FHIT: variants seen among roughly 807,000 people sequenced by gnomAD.
FHIT encodes the protein fragile histidine triad diadenosine triphosphatase.
FHIT carries 19 observed loss-of-function variants against 17.9 expected under a neutral mutation model. That is an observed-to-expected ratio of 1.06 (90% confidence interval 0.74 to 1.56). FHIT has a LOEUF of 1.56. Ranked by LOEUF, FHIT falls within the 40% of genes most tolerant of loss-of-function variation. The pLI is 0.00. For synonymous variants in FHIT, 81 were observed against 69.7 expected (o/e 1.16, Z -0.81); for missense variants, 248 against 189.2 (o/e 1.31, Z -1.82).
intron 2 of FHIT, among the ~76,000 whole-genome samples, chr3:61,162,643 T>C (rs970956413): frequency 6.6e-6 from 1 of 152,222 alleles, no homozygotes; most frequent in Non-Finnish European, 1.5e-5. Flanking sequence ...ATCTAGAATA[T>C]AAAGGATCCC....
At chr3:60,275,625 C>T (rs1033378473) in intron 5 of FHIT, among the ~76,000 whole-genome samples, 3 of 151,854 alleles carry the variant, frequency 2.0e-5, no homozygotes, top group African/African-American at 7.3e-5. Context: ...TTAGTCAATG[C>T]CATACACACA....
At chr3:60,841,320 T>C (rs1370701266) in intron 3 of FHIT, among the ~76,000 whole-genome samples, 1 of 152,230 alleles carries the variant, frequency 6.6e-6, no homozygotes, top group Non-Finnish European at 1.5e-5. Context: ...TTAGAACCCA[T>C]CCTTGTTGTC....
intron 2 of FHIT, among the ~76,000 whole-genome samples, chr3:61,152,676 A>G (rs1197551735): frequency 6.6e-6 from 1 of 152,188 alleles, no homozygotes; most frequent in African/African-American, 2.4e-5. Flanking sequence ...GTAATTATTC[A>G]GGTCTTTGTC....
At chr3:60,943,653 A>G (rs968905782) in intron 3 of FHIT, among the ~76,000 whole-genome samples, 5 of 152,168 alleles carry the variant, frequency 3.3e-5, no homozygotes, top group Non-Finnish European at 5.9e-5. Flanking sequence ...TAATTAATCT[A>G]CAGCTTCCTA....
intron 3 of FHIT, among the ~76,000 whole-genome samples, chr3:60,930,197 C>A (rs1269239312): frequency 5.3e-5 from 8 of 152,124 alleles, no homozygotes; most frequent in Admixed American, 1.3e-4. Context: ...CTTCCTTATA[C>A]CTTATACAAA....
At chr3:60,716,198 T>C (rs1246851942) in intron 4 of FHIT, among the ~76,000 whole-genome samples, 1 of 151,954 alleles carries the variant, frequency 6.6e-6, no homozygotes, top group Admixed American at 6.6e-5. Context: ...TTAGCTGAGA[T>C]CACACCGCTA....
intron 8 of FHIT, among the ~76,000 whole-genome samples, chr3:59,821,625 T>C (rs560321330): frequency 5.0e-4 from 76 of 152,262 alleles, no homozygotes; most frequent in African/African-American, 1.7e-3. Context: ...AGTGCAGCAT[T>C]CAATACCAGT....
At chr3:59,798,282 T>C (rs983753855) in intron 8 of FHIT, among the ~76,000 whole-genome samples, 1 of 152,212 alleles carries the variant, frequency 6.6e-6, no homozygotes, top group African/African-American at 2.4e-5. Context: ...GCTTAATCAC[T>C]AACGGTAGAT....
chr3:60,608,962 G>C (rs2038695162), intron 4 of FHIT, among the ~76,000 whole-genome samples: 2 of 151,164 alleles, frequency 1.3e-5, no homozygotes, highest in Non-Finnish European at 2.9e-5. Flanking sequence ...TGTTTTAAAA[G>C]TCAGTTGATT....
Position 60,708,639 on chromosome 3 carries a change from T to A in FHIT, c.-18+113280A>T, listed in dbSNP as rs544287592. ...CTGGAGGCTGTTCTAAAGGAAAACA[T>A]GAATGGCCCTAAAATTAAAATTCCA... is the stretch of plus-strand genomic sequence containing the variant. On this transcript the variant is annotated intron_variant, in intron 4 of 9. Coordinates refer to ENST00000492590, the MANE Select transcript of FHIT (RefSeq NM_002012.4). Among the ~76,000 whole-genome samples, 10 of 152,278 alleles carry A rather than the reference T, an allele frequency of 6.6e-5. No individual in the cohort carries two copies. The South Asian group carries it at 1.7e-3, about 25-fold the overall frequency.
At chr3:60,628,689 T>C (rs782071831) in intron 4 of FHIT, among the ~76,000 whole-genome samples, 4 of 152,224 alleles carry the variant, frequency 2.6e-5, no homozygotes, top group East Asian at 1.9e-4. Flanking sequence ...GTAGATTTTA[T>C]AGAGCTACCA....
chr3:60,126,496 A>G (rs572605428), intron 5 of FHIT, among the ~76,000 whole-genome samples: 1 of 152,302 alleles, frequency 6.6e-6, no homozygotes, highest in South Asian at 2.1e-4. Flanking sequence ...ACAAACAGCT[A>G]CCGTTTATTG....
In FHIT at chr3:59,922,433, G is replaced by T. The variant is rs573940015; in HGVS notation, c.280-19C>A. Reference sequence around the variant, plus strand: ...GAACGTGCTGAAAATGTACAAGAAAGAAAAAAAATGTGATTATCTCCCCAT... The same window carrying T: ...GAACGTGCTGAAAATGTACAAGAAATAAAAAAAATGTGATTATCTCCCCAT... On this transcript the variant is annotated intron_variant, in intron 7 of 9. Transcript: ENST00000492590. The T allele has an allele frequency of 2.5e-6, 4 of 1,593,924 alleles. No homozygotes were observed. Among genetic ancestry groups the T allele is most frequent in the African/African-American group, 2.7e-5 (2 of 74,136 alleles).
At chr3:59,866,951 C>T (rs1393241601) in intron 8 of FHIT, among the ~76,000 whole-genome samples, 1 of 151,780 alleles carries the variant, frequency 6.6e-6, no homozygotes, top group East Asian at 2.0e-4. Context: ...TACCTATTCT[C>T]ATACAACACT....
intron 5 of FHIT, among the ~76,000 whole-genome samples, chr3:60,375,715 G>A (rs1413449514): frequency 6.6e-6 from 1 of 152,066 alleles, no homozygotes; most frequent in Admixed American, 6.5e-5. Flanking sequence ...CTTCTGCCTG[G>A]ACTATTCTCC....
intron 4 of FHIT, among the ~76,000 whole-genome samples, chr3:60,657,093 C>T (rs1553689771): frequency 6.6e-6 from 1 of 152,046 alleles, no homozygotes; most frequent in Non-Finnish European, 1.5e-5. Flanking sequence ...TTATAACATA[C>T]ATGCAACCAT....
intron 5 of FHIT, among the ~76,000 whole-genome samples, chr3:60,236,063 G>C (rs1474421444): frequency 1.3e-5 from 2 of 151,832 alleles, no homozygotes; most frequent in Non-Finnish European, 2.9e-5. Context: ...CAAGACCCAT[G>C]AGTTTGCTGT....
intron 4 of FHIT, among the ~76,000 whole-genome samples, chr3:60,636,933 G>A (rs887606648): frequency 1.3e-5 from 2 of 152,176 alleles, no homozygotes; most frequent in Non-Finnish European, 2.9e-5. Context: ...CTTTGATGGT[G>A]CCTTTCTCCT....
intron 5 of FHIT, among the ~76,000 whole-genome samples, chr3:60,031,225 T>C (rs1700986509): frequency 6.6e-6 from 1 of 152,260 alleles, no homozygotes; most frequent in Non-Finnish European, 1.5e-5. Flanking sequence ...TTTCTCACTC[T>C]GATCTTATTG....
Sources: allele counts gnomAD v4.1 joint callset (sites outside exome capture counted in the v4.1 genomes callset), GRCh38; gene constraint gnomAD v4.1.1; transcripts MANE v1.5; gene names NCBI Gene and HGNC (gene_info 2026-07-23, HGNC 2026-07-21).